Variants in ATP13A1 observed in about 807,000 individuals in gnomAD.
The protein encoded by ATP13A1 is ATPase 13A1, also known as endoplasmic reticulum transmembrane helix translocase.
In ATP13A1, 55 loss-of-function variants were observed where a neutral mutation model predicts 134.8. The ratio of observed to expected loss-of-function variants is 0.41; its 90% confidence interval spans 0.33 to 0.51. ATP13A1 has a LOEUF of 0.51. Among genes scored for constraint, ATP13A1 ranks in the 20% least tolerant of loss-of-function variants. The pLI, the probability that ATP13A1 is intolerant of heterozygous loss-of-function variation, is 0.29. For synonymous variants in ATP13A1, 775 were observed against 725.1 expected, an observed-to-expected ratio of 1.07 and a Z score of -1.10; for missense variants, 1,389 against 1,652.8, an observed-to-expected ratio of 0.84 and a Z score of 2.77.
chr19:19,650,690 A>G (rs1599429938), intron 17 of ATP13A1: 1 of 152,604 alleles, frequency 6.6e-6, no homozygotes, highest in African/African-American at 2.4e-5. Context: ...CCTGCGACCA[A>G]TAGAACAGAG....
rs1344259685 is a variant in ATP13A1, at chr19:19,663,387, C to T, written c.280G>A (p.Val94Met). 1.3e-6 allele frequency: 2 copies of T among 1,586,812 alleles called. No homozygotes were observed. The highest frequency in any genetic ancestry group is 1.7e-6 in the Non-Finnish European group (2 of 1,168,374). Reference protein sequence around the residue: ...AGCWGWGSSWVQIPEAALLVL... With the variant: ...AGCWGWGSSWMQIPEAALLVL... ...AGCAGCGCAGCTTCGGGGATCTGCACCCAACTGCTGCCCCAGCCCCAGCAG... is the reference window on the plus strand; with the variant it reads ...AGCAGCGCAGCTTCGGGGATCTGCATCCAACTGCTGCCCCAGCCCCAGCAG... The change falls in exon 1 of 26, where the codon GTG becomes ATG. Residue 94 changes from valine to methionine, a missense_variant. By Grantham distance (21) the Val-to-Met change is conservative. Coordinates refer to ENST00000357324, the MANE Select transcript of ATP13A1 (RefSeq NM_020410.3).
chr19:19,655,749 C>T lies in ATP13A1; in HGVS notation c.1270-95G>A, dbSNP rs2145009849. ...GCCTGGTCTTGGGGTGGCCTCTGCA[C>T]CCTGGCCCAGGTCCAGGGCCGTGCT... On this transcript the variant is annotated intron_variant, in intron 9 of 25. Transcript: ENST00000357324. The surrounding 1 kb of genome is among the most constrained non-coding windows in gnomAD (Gnocchi z 5.7). 1.9e-6 allele frequency: 3 copies of T among 1,542,704 alleles called. No homozygotes were observed. The highest frequency in any genetic ancestry group is 4.8e-5 in the East Asian group (2 of 41,366).
rs752284211 is a variant in ATP13A1, at chr19:19,659,882, A to C, written c.486+16T>G. 2.5e-6 allele frequency: 4 copies of C among 1,588,448 alleles called. No individual in the cohort carries two copies. The South Asian group carries it at 4.5e-5, about 18-fold the overall frequency. On this transcript the variant is annotated intron_variant, in intron 2 of 25. Transcript: ENST00000357324. The stretch of plus-strand genomic sequence containing the variant: ...ACTCAAGCCCCTCCTCCAGGAGCCC[A>C]GCAGGCAGTCCCTACCTCATTGCGG...
chr19:19,647,372 AG>A lies in ATP13A1; in HGVS notation c.2908+41del. 1 of 1,417,550 alleles carries A rather than the reference AG, an allele frequency of 7.1e-7. No individual in the cohort carries two copies. Among genetic ancestry groups the A allele is most frequent in the East Asian group, 2.6e-5 (1 of 38,360 alleles). 87.8% of individuals were successfully genotyped at this position (1,417,550 alleles called of 1,614,324 possible). The stretch of plus-strand genomic sequence containing the variant: ...GGTGTGGGTGTGGGTAGGGGTGCCA[AG>A]GGGGGAATGAAGGGAGGGGGAGCGG... On this transcript the variant is annotated intron_variant, in intron 21 of 25. Transcript: ENST00000357324. The surrounding 1 kb of genome is among the most constrained non-coding windows in gnomAD (Gnocchi z 4.8).
At chr19:19,646,025 C>T (rs1459979703) in intron 23 of ATP13A1, 40 bp from the exon 24 acceptor site, 2 of 1,605,924 alleles carry the variant, frequency 1.2e-6, no homozygotes, top group Non-Finnish European at 1.7e-6. Context: ...CTCTCCTGCT[C>T]CGGCTCACAC....
rs774787251 is a variant in ATP13A1 at position 19,655,961 on chromosome 19, T to G, written c.1214-28A>C. ...GGGGAGAGAAGCAGAGTCACCGTCATGCCTGTCTCCTCGTCCTGACTCCCT... is the reference window on the plus strand; with the variant it reads ...GGGGAGAGAAGCAGAGTCACCGTCAGGCCTGTCTCCTCGTCCTGACTCCCT... On this transcript the variant is annotated intron_variant, in intron 8 of 25. Transcript: ENST00000357324. This position sits in a 1 kb window ranked among gnomAD's most constrained non-coding sequence, Gnocchi z 5.7. 1 of 1,606,964 alleles carries G rather than the reference T, an allele frequency of 6.2e-7. No homozygotes were observed. The highest frequency in any genetic ancestry group is 1.7e-5 in the Admixed American group (1 of 59,560).
rs2144996786 is a variant in ATP13A1 at position 19,650,266 on chromosome 19, C to A, written c.2336-326G>T. 1.2e-5 allele frequency: 5 copies of A among 423,520 alleles called. No individual in the cohort carries two copies. In the East Asian group the frequency reaches 2.2e-4, roughly 18 times the overall value. 26.2% of individuals were successfully genotyped at this position (423,520 alleles called of 1,614,324 possible). The stretch of plus-strand genomic sequence containing the variant: ...CTAACCTGAAACACACAGAAGGGGG[C>A]TATTGCGCTCTCCTTGGGAAACCCC... On this transcript the variant is annotated intron_variant, in intron 17 of 25. Coordinates refer to ENST00000357324, the MANE Select transcript of ATP13A1 (RefSeq NM_020410.3).
At position 19,647,105 on chromosome 19, in the gene ATP13A1, C is replaced by A. The variant is rs1345616449; in HGVS notation, c.3105+24G>T. On this transcript the variant is annotated intron_variant, in intron 22 of 25. Coordinates refer to ENST00000357324, the MANE Select transcript of ATP13A1 (RefSeq NM_020410.3). This position sits in a 1 kb window ranked among gnomAD's most constrained non-coding sequence, Gnocchi z 4.8. ...CCCTGGCAGGCCCATGCATCCCTGG[C>A]CTTCCAGCACCTCTGGGGCCCACCT... is the stretch of plus-strand genomic sequence containing the variant. 1 of 1,596,084 alleles carries A rather than the reference C, an allele frequency of 6.3e-7. No homozygotes were observed. The highest frequency in any genetic ancestry group is 8.5e-7 in the Non-Finnish European group (1 of 1,171,078).
At chr19:19,651,593 C>T (rs1244071515) in intron 17 of ATP13A1, 96 bp downstream of exon 17, 13 of 920,396 alleles carry the variant, frequency 1.4e-5, no homozygotes, top group Non-Finnish European at 2.1e-5. Context: ...AGACACTGTG[C>T]TGCTGAGGCC....
chr19:19,660,369 C>T (rs988428953), intron 1 of ATP13A1, among the ~76,000 whole-genome samples: 1 of 152,116 alleles, frequency 6.6e-6, no homozygotes, highest in Non-Finnish European at 1.5e-5. Flanking sequence ...GTAATACCAG[C>T]TACTTAGGAG....
intron 1 of ATP13A1, chr19:19,662,959 C>G (rs1266514016): frequency 6.0e-6 from 3 of 502,840 alleles, no homozygotes; most frequent in African/African-American, 3.9e-5. Flanking sequence ...CTAGTATAAA[C>G]AACTCCTACC....
rs78083680 is a variant in ATP13A1 at position 19,656,628 on chromosome 19, C to A, written c.1083+32G>T. The A allele has an allele frequency of 2.0e-3, 3,203 of 1,601,346 alleles. 56 individuals carry two copies. In the African/African-American group the frequency reaches 0.036, roughly 18 times the overall value. Reference sequence around the variant, plus strand: ...ACCTCCTGGCCTGTTTCCTCCTGAACAGCTTGAGGATCCCCATCCTCCACC... The same window carrying A: ...ACCTCCTGGCCTGTTTCCTCCTGAAAAGCTTGAGGATCCCCATCCTCCACC... On this transcript the variant is annotated intron_variant, in intron 7 of 25. Coordinates refer to ENST00000357324, the MANE Select transcript of ATP13A1 (RefSeq NM_020410.3). The surrounding 1 kb of genome is among the most constrained non-coding windows in gnomAD (Gnocchi z 4.6).
rs1470552762 is a variant in ATP13A1, at chr19:19,659,624, A to G, written c.654T>C (p.Ala218=). Residue 218 remains alanine (A), a synonymous_variant, in exon 3 of 26, where the codon GCT becomes GCC. Transcript: ENST00000357324. ...ACTTGTTGCTCCCAAATTTCTTCTCAGCTGCTCGGATCTCTGAGTCTTCCT... is the reference window on the plus strand; with the variant it reads ...ACTTGTTGCTCCCAAATTTCTTCTCGGCTGCTCGGATCTCTGAGTCTTCCT... The part of the protein sequence containing the change: ...GFQEDSEIRA[A]EKKFGSNKAE... 3.7e-6 allele frequency: 6 copies of G among 1,612,348 alleles called. No homozygotes were observed. Among genetic ancestry groups the G allele is most frequent in the African/African-American group, 1.3e-5 (1 of 74,874 alleles).
rs1365426149 is a variant in ATP13A1, at chr19:19,647,925, G to A, written c.2633-166C>T. Among the ~76,000 whole-genome samples, 1 of 152,160 alleles carries A rather than the reference G, an allele frequency of 6.6e-6. No homozygotes were observed. The highest frequency in any genetic ancestry group is 6.5e-5 in the Admixed American group (1 of 15,272). ...CCTAAGGAGACCTCAGAGAGTGCCC[G>A]TGTTGCTTTCTACAAACTACTTTAA... On this transcript the variant is annotated intron_variant, in intron 19 of 25. Transcript: ENST00000357324. This position sits in a 1 kb window ranked among gnomAD's most constrained non-coding sequence, Gnocchi z 4.8.
intron 17 of ATP13A1, chr19:19,650,873 G>C (rs866603017): frequency 6.6e-6 from 1 of 152,324 alleles, no homozygotes; most frequent in South Asian, 2.1e-4. Flanking sequence ...GCCCACAGGG[G>C]CTTCACCTCT....
At position 19,656,867 on chromosome 19, in the gene ATP13A1, G is replaced by C; in HGVS notation, c.956C>G (p.Pro319Arg). Residue 319 changes from proline to arginine, a missense_variant, in exon 6 of 26, where the codon CCA (proline) becomes CGA (arginine). Transcript: ENST00000357324. The surrounding 1 kb of genome is among the most constrained non-coding windows in gnomAD (Gnocchi z 4.6). ...CTCACCGATGGAGACGATGTCCCCT[G>C]GTACGATCTCATCACTGGCAATGGG... is the stretch of plus-strand genomic sequence containing the variant. ...WRPIASDEIV[P>R]GDIVSIGRSP... 6.2e-7 allele frequency: 1 copy of C among 1,612,612 alleles called. No homozygotes were observed. The highest frequency in any genetic ancestry group is 1.1e-5 in the South Asian group (1 of 90,900).
Position 19,651,698 on chromosome 19 carries a change from A to G in ATP13A1, c.2326T>C (p.Ser776Pro). ...KAHTLILQPP[S>P]EKGRQCEWRS... ...CAGGCTAGGGCCTCACCTTTCTCGG[A>G]GGGAGGCTGCAGGATCAGCGTGTGG... Residue 776 changes from serine (S) to proline (P), a missense_variant, in exon 17 of 26, where the codon TCC (serine) becomes CCC (proline). Coordinates refer to ENST00000357324, the MANE Select transcript of ATP13A1 (RefSeq NM_020410.3). 1 of 1,610,388 alleles carries G rather than the reference A, an allele frequency of 6.2e-7. No individual in the cohort carries two copies. The highest frequency in any genetic ancestry group is 1.3e-5 in the African/African-American group (1 of 74,682).
chr19:19,656,848 G>A lies in ATP13A1; in HGVS notation c.975C>T (p.Ile325=), dbSNP rs76617815. The A allele has an allele frequency of 6.3e-5, 102 of 1,612,198 alleles. No individual in the cohort carries two copies. In the East Asian group the frequency reaches 2.0e-3, roughly 31 times the overall value. ...DEIVPGDIVS[I]GRSPQENLVP... ...GGACTGAGCGGAACCCGGCCTCACC[G>A]ATGGAGACGATGTCCCCTGGTACGA... The change falls in exon 6 of 26, where the codon ATC becomes ATT. Residue 325 remains isoleucine (I), a splice_region_variant and synonymous_variant. Coordinates refer to ENST00000357324, the MANE Select transcript of ATP13A1 (RefSeq NM_020410.3). This position sits in a 1 kb window ranked among gnomAD's most constrained non-coding sequence, Gnocchi z 4.6.
chr19:19,659,593 G>C lies in ATP13A1; in HGVS notation c.677+8C>G. The C allele has an allele frequency of 1.9e-6, 3 of 1,606,242 alleles. No homozygotes were observed. Among genetic ancestry groups the C allele is most frequent in the South Asian group, 1.1e-5 (1 of 90,944 alleles). Reference sequence around the variant, plus strand: ...GGCAAAGGTGCTACAGGCAAATCAAGGACTCACTTGTTGCTCCCAAATTTC... The same window carrying C: ...GGCAAAGGTGCTACAGGCAAATCAACGACTCACTTGTTGCTCCCAAATTTC... On this transcript the variant is annotated splice_region_variant and intron_variant, in intron 3 of 25. Transcript: ENST00000357324.
Sources: allele counts gnomAD v4.1 joint callset (sites outside exome capture counted in the v4.1 genomes callset), GRCh38; gene constraint gnomAD v4.1.1; non-coding constraint Gnocchi (gnomAD v3.1); transcripts MANE v1.5; gene names NCBI Gene and HGNC (gene_info 2026-07-23, HGNC 2026-07-21).